The following ALKAL2 variants were observed in gnomAD, a reference collection of about 807,000 sequenced individuals.
The protein encoded by ALKAL2 is ALK and LTK ligand 2, also known as AUG-alpha.
In ALKAL2, 8 loss-of-function variants were observed where a neutral mutation model predicts 18.5. That is an observed-to-expected ratio of 0.43 (90% CI 0.25 to 0.78). ALKAL2 has a LOEUF of 0.78. ALKAL2 is among the 30% of genes least tolerant of loss of function. ALKAL2 has a pLI of 0.22. For missense variants in ALKAL2, 241 were observed against 211.2 expected, an observed-to-expected ratio of 1.14 and a Z score of -0.88; for synonymous variants, 135 against 95.8, an observed-to-expected ratio of 1.41 and a Z score of -2.39.
rs1264098800 is a variant in ALKAL2 at position 279,815 on chromosome 2, TTATG to T, written c.*328_*331del. 4 of 290,892 alleles carry T rather than the reference TTATG, an allele frequency of 1.4e-5. No homozygotes were observed. Among genetic ancestry groups the T allele is most frequent in the Non-Finnish European group, 2.6e-5 (4 of 155,622 alleles). The allele number at this position is 290,892 out of a possible 1,614,324, so 18.0% of individuals were successfully genotyped here. On this transcript the variant is annotated 3_prime_UTR_variant, in exon 6 of 6. Coordinates refer to ENST00000403610, the MANE Select transcript of ALKAL2 (RefSeq NM_001002919.3). ...ATGAAAATATACTTTAAGATTCTGC[TTATG>T]TTTCTAAAGAAATATTTTTTGCGAT...
chr2:286,394 A>C (rs1372905532), intron 2 of ALKAL2, 51 bp from the exon 3 acceptor site: 2 of 1,409,336 alleles, frequency 1.4e-6, no homozygotes, highest in Non-Finnish European at 2.0e-6. Context: ...GCATTTTTTA[A>C]AAATGTGATC....
chr2:286,248 A>C (rs1203872722), intron 3 of ALKAL2, 42 bp downstream of exon 3: 1 of 1,611,342 alleles, frequency 6.2e-7, no homozygotes, highest in Admixed American at 1.7e-5. Context: ...TCACAGGTGA[A>C]AAGGAGCTCT....
intron 1 of ALKAL2, 21 bp from the exon 2 acceptor site, chr2:287,913 G>A (rs961917548): frequency 4.0e-6 from 5 of 1,246,138 alleles, no homozygotes; most frequent in African/African-American, 1.6e-5. Context: ...AGGGGCGCGG[G>A]GGGCCGGAGA....
intron 5 of ALKAL2, among the ~76,000 whole-genome samples, 190 bp downstream of exon 5, chr2:282,921 T>A (rs757247108): frequency 6.6e-6 from 1 of 152,234 alleles, no homozygotes; most frequent in Non-Finnish European, 1.5e-5. Context: ...TAACAACAGC[T>A]GCCGGGGCCC....
chr2:283,598 A>C (rs1558268330), intron 4 of ALKAL2: 1 of 985,404 alleles, frequency 1.0e-6, no homozygotes, highest in East Asian at 1.1e-4. Context: ...GTAAATTCTA[A>C]AGAAAGTGGG....
chr2:280,738 G>T (rs1039658584), intron 5 of ALKAL2, among the ~76,000 whole-genome samples: 3 of 152,158 alleles, frequency 2.0e-5, no homozygotes, highest in Admixed American at 6.5e-5. Context: ...ACAATGAAGT[G>T]TATCTGTGAC....
At chr2:282,576 CAA>C in intron 5 of ALKAL2, among the ~76,000 whole-genome samples, 1 of 151,540 alleles carries the variant, frequency 6.6e-6, no homozygotes, top group Admixed American at 6.6e-5. Context: ...GGCCAAGGTG[CAA>C]AGTTTAGTTC....
At chr2:287,531 C>A (rs1365524463) in intron 2 of ALKAL2, 52 bp downstream of exon 2, 23 of 1,258,548 alleles carry the variant, frequency 1.8e-5, no homozygotes, top group Middle Eastern at 2.0e-4. Flanking sequence ...TTCTCAAAGA[C>A]AATTCTATTT....
chr2:279,976 A>AT lies in ALKAL2; in HGVS notation c.*170dup, dbSNP rs1553300834. 2 of 700,694 alleles carry AT rather than the reference A, an allele frequency of 2.9e-6. No homozygotes were observed. The highest frequency in any genetic ancestry group is 3.5e-5 in the African/African-American group (2 of 56,956). 43.4% of individuals were successfully genotyped at this position (700,694 alleles called of 1,614,324 possible). Reference sequence around the variant, plus strand: ...TCAAGTACACTGATTTATCGAATATATATCTGCAAACTGTCAACAACATAC... The same window carrying AT: ...TCAAGTACACTGATTTATCGAATATATTATCTGCAAACTGTCAACAACATAC... On this transcript the variant is annotated 3_prime_UTR_variant, in exon 6 of 6. Transcript: ENST00000403610.
Position 280,170 on chromosome 2 carries a change from G to C in ALKAL2, c.454-18C>G. On this transcript the variant is annotated intron_variant, in intron 5 of 5. Transcript: ENST00000403610. Reference sequence around the variant, plus strand: ...GCTCACTGCTGAAAACAAATACATTGCGTGTGATATGACTATCCACACTTC... The same window carrying C: ...GCTCACTGCTGAAAACAAATACATTCCGTGTGATATGACTATCCACACTTC... The C allele has an allele frequency of 6.2e-7, 1 of 1,613,916 alleles. No individual in the cohort carries two copies. The highest frequency in any genetic ancestry group is 8.5e-7 in the Non-Finnish European group (1 of 1,179,836).
intron 5 of ALKAL2, among the ~76,000 whole-genome samples, chr2:281,780 A>G (rs1670362674): frequency 6.6e-6 from 1 of 151,984 alleles, no homozygotes; most frequent in African/African-American, 2.4e-5. Flanking sequence ...GTTTAATTAT[A>G]AAGAAATACC....
At chr2:287,328 G>A (rs1670548037) in intron 2 of ALKAL2, 2 of 369,718 alleles carry the variant, frequency 5.4e-6, no homozygotes, top group Admixed American at 9.3e-5. Context: ...CCAAAGTGAC[G>A]GTTGACAGTT....
At chr2:282,708 G>A (rs1572205039) in intron 5 of ALKAL2, among the ~76,000 whole-genome samples, 1 of 152,140 alleles carries the variant, frequency 6.6e-6, no homozygotes, top group Admixed American at 6.5e-5. Context: ...ACTCAAACAT[G>A]TACCAGATGT....
At position 287,653 on chromosome 2, in the gene ALKAL2, G is replaced by A. The variant is rs1009916260; in HGVS notation, c.183C>T (p.Leu61=). 2.0e-6 allele frequency: 3 copies of A among 1,482,388 alleles called. No individual in the cohort carries two copies. The highest frequency in any genetic ancestry group is 1.5e-5 in the African/African-American group (1 of 68,496). 91.8% of individuals were successfully genotyped at this position (1,482,388 alleles called of 1,614,324 possible). The part of the protein sequence containing the change: ...HHSAEHKGLQ[L]LGRDCALGRA... ...GGCCCAGGGCGCAGTCCCGCCCGAG[G>A]AGCTGCAGGCCCTTGTGCTCCGCCG... Residue 61 remains leucine, a synonymous_variant, in exon 2 of 6, where the codon CTC becomes CTT. Coordinates refer to ENST00000403610, the MANE Select transcript of ALKAL2 (RefSeq NM_001002919.3).
rs114460957 is a variant in ALKAL2 at position 285,336 on chromosome 2, C to T, written c.388+787G>A. Among the ~76,000 whole-genome samples, 208 of 152,252 alleles carry T rather than the reference C, an allele frequency of 1.4e-3. 2 individuals carry two copies. Among genetic ancestry groups the T allele is most frequent in the African/African-American group, 4.6e-3 (192 of 41,536 alleles). On this transcript the variant is annotated intron_variant, in intron 4 of 5. Coordinates refer to ENST00000403610, the MANE Select transcript of ALKAL2 (RefSeq NM_001002919.3). Reference sequence around the variant, plus strand: ...GAGAGGGAAGGCAGGACAGCAAGTCCGGAACGCTGCCTGGTCCAGCTGGAG... The same window carrying T: ...GAGAGGGAAGGCAGGACAGCAAGTCTGGAACGCTGCCTGGTCCAGCTGGAG...
In ALKAL2 at chr2:283,097, C is replaced by T. The variant is rs772381275; in HGVS notation, c.453+14G>A. 1 of 1,607,906 alleles carries T rather than the reference C, an allele frequency of 6.2e-7. No homozygotes were observed. The stretch of plus-strand genomic sequence containing the variant: ...CTTTGGTATGTGCTCCAGTGTGTGT[C>T]TGTCCAAGCTTACCTTATCCTCCAT... On this transcript the variant is annotated intron_variant, in intron 5 of 5. Coordinates refer to ENST00000403610, the MANE Select transcript of ALKAL2 (RefSeq NM_001002919.3).
At position 287,575 on chromosome 2, in the gene ALKAL2, C is replaced by T. The variant is rs1156618280; in HGVS notation, c.253+8G>A. On this transcript the variant is annotated splice_region_variant and intron_variant, in intron 2 of 5. Coordinates refer to ENST00000403610, the MANE Select transcript of ALKAL2 (RefSeq NM_001002919.3). ...CCCCGGCCCTCGGGCGCGCTCGGCC[C>T]CACTCACCCACTCGCTGCTCCGGCG... 2.1e-6 allele frequency: 3 copies of T among 1,430,178 alleles called. No individual in the cohort carries two copies. Among genetic ancestry groups the T allele is most frequent in the Admixed American group, 5.8e-5 (2 of 34,218 alleles). 88.6% of individuals were successfully genotyped at this position (1,430,178 alleles called of 1,614,324 possible). A position where few individuals can be genotyped will look rare whatever the true frequency, so the allele number is the denominator to read the frequency against.
chr2:285,914 C>A (rs929862194), intron 4 of ALKAL2: 5 of 542,984 alleles, frequency 9.2e-6, no homozygotes. Context: ...ATTCCAATGA[C>A]TGTAAATAAT....
chr2:283,759 G>T (rs994648580), intron 4 of ALKAL2, among the ~76,000 whole-genome samples: 1 of 152,204 alleles, frequency 6.6e-6, no homozygotes, highest in African/African-American at 2.4e-5. Context: ...TTAAGAAGGT[G>T]TAATGGGCAT....
Sources: gnomAD v4.1 joint callset for allele counts (sites outside exome capture counted in the v4.1 genomes callset) on GRCh38, gnomAD v4.1.1 for gene constraint, MANE v1.5 for transcripts, NCBI Gene and HGNC (gene_info 2026-07-23, HGNC 2026-07-21) for gene names.